CCDC30: variants seen among roughly 807,000 people sequenced by gnomAD.
CCDC30 encodes coiled-coil domain containing 30.
In CCDC30, 70 loss-of-function variants were observed where a neutral mutation model predicts 100.2. The ratio of observed to expected loss-of-function variants is 0.70; its 90% CI spans 0.58 to 0.85. CCDC30 has a LOEUF of 0.85. Ranked by LOEUF, CCDC30 falls within the 40% of genes least tolerant of loss-of-function variation. CCDC30 has a pLI of 0.00. For missense variants in CCDC30, 652 were observed against 771.2 expected, an observed-to-expected ratio of 0.85 and a Z score of 1.83; for synonymous variants, 233 against 269.5, an observed-to-expected ratio of 0.86 and a Z score of 1.33.
At chr1:42,609,011 T>G (rs72959638) in intron 10 of CCDC30, among the ~76,000 whole-genome samples, 6,470 of 152,238 alleles carry the variant, frequency 0.042, 445 homozygotes, top group African/African-American at 0.14. Flanking sequence ...AAGAAGGATT[T>G]GTACTGTATA....
In CCDC30 at chr1:42,542,774, C is replaced by T. The variant is rs1489540677; in HGVS notation, c.457-23522C>T. The T allele has an allele frequency of 2.1e-5, 3 of 142,806 alleles. 1 individual carries two copies. The highest frequency in any genetic ancestry group is 1.5e-5 in the Non-Finnish European group (1 of 64,536). The allele number at this position is 142,806 out of a possible 1,614,324, so 8.8% of individuals were successfully genotyped here. ...TTCACCTTGTTAGCCAGGATGGTCT[C>T]GATCTCCTGACCTCATGATCCACCC... On this transcript the variant is annotated intron_variant, in intron 6 of 16. Transcript: ENST00000668663.
intron 11 of CCDC30, among the ~76,000 whole-genome samples, chr1:42,621,543 G>A (rs901123009): frequency 3.5e-5 from 5 of 141,884 alleles, no homozygotes; most frequent in African/African-American, 1.3e-4. Flanking sequence ...ATGGACTCTC[G>A]CTCTGTGGTC....
intron 8 of CCDC30, among the ~76,000 whole-genome samples, chr1:42,577,963 A>G (rs1645877093): frequency 6.6e-6 from 1 of 152,068 alleles, no homozygotes; most frequent in South Asian, 2.1e-4. Flanking sequence ...CAATAGATAT[A>G]ATGTATAGTG....
chr1:42,488,070 C>T (rs1386856014), intron 3 of CCDC30, among the ~76,000 whole-genome samples: 2 of 152,104 alleles, frequency 1.3e-5, no homozygotes, highest in Non-Finnish European at 2.9e-5. Flanking sequence ...TTGTTAAAAG[C>T]TGGGTGATGG....
At chr1:42,651,484 C>T (rs1039554255) in intron 15 of CCDC30, among the ~76,000 whole-genome samples, 1 of 151,574 alleles carries the variant, frequency 6.6e-6, no homozygotes, top group Non-Finnish European at 1.5e-5. Context: ...AAAAAAAGCT[C>T]AACATCATGA....
At chr1:42,590,314 G>A (rs1319217121) in intron 10 of CCDC30, 1 of 152,188 alleles carries the variant, frequency 6.6e-6, no homozygotes, top group Non-Finnish European at 1.5e-5. Flanking sequence ...TTTCTTTATA[G>A]CAGTGCAAGA....
chr1:42,624,094 T>TTACTGAATTTGTTTATGAGTTCTAG (rs1646889130), intron 11 of CCDC30, among the ~76,000 whole-genome samples: 1 of 152,230 alleles, frequency 6.6e-6, no homozygotes, highest in Non-Finnish European at 1.5e-5. Flanking sequence ...TTCTGCAACT[T>TTACTGAATTTGTTTATGAGTTCTAG]TACTGAATTT....
At chr1:42,635,392 G>A (rs1201534566) in intron 11 of CCDC30, among the ~76,000 whole-genome samples, 6 of 152,090 alleles carry the variant, frequency 3.9e-5, no homozygotes, top group Admixed American at 3.9e-4. Flanking sequence ...TGGCAATCTG[G>A]GTTGTTTCCA....
chr1:42,524,126 A>T (rs553485915), intron 6 of CCDC30, among the ~76,000 whole-genome samples: 2 of 151,454 alleles, frequency 1.3e-5, no homozygotes, highest in South Asian at 4.2e-4. Flanking sequence ...TAAGTTTTAA[A>T]TGGGCCACAC....
At chr1:42,475,438 A>C (rs1226183391) in intron 1 of CCDC30, among the ~76,000 whole-genome samples, 5 of 152,208 alleles carry the variant, frequency 3.3e-5, no homozygotes, top group Non-Finnish European at 5.9e-5. Context: ...GATGAAAAGG[A>C]AAATGAACAG....
chr1:42,553,652 TACACAC>T (rs60429759), intron 6 of CCDC30, among the ~76,000 whole-genome samples: 92 of 133,826 alleles, frequency 6.9e-4, no homozygotes, highest in African/African-American at 9.4e-4. Flanking sequence ...TGAGATTCCA[TACACAC>T]ACACACACAC....
intron 6 of CCDC30, among the ~76,000 whole-genome samples, chr1:42,538,407 A>G (rs1225096430): frequency 1.3e-5 from 2 of 152,098 alleles, no homozygotes; most frequent in Non-Finnish European, 2.9e-5. Context: ...GTCACTGAAT[A>G]TAATTAAATA....
intron 6 of CCDC30, among the ~76,000 whole-genome samples, chr1:42,557,067 A>G (rs2148552259): frequency 6.6e-6 from 1 of 152,324 alleles, no homozygotes; most frequent in Non-Finnish European, 1.5e-5. Flanking sequence ...TACACAAATT[A>G]AAATTTCCTT....
chr1:42,532,366 T>C (rs1299165910), intron 6 of CCDC30, among the ~76,000 whole-genome samples: 1 of 152,198 alleles, frequency 6.6e-6, no homozygotes, highest in African/African-American at 2.4e-5. Context: ...AATCATTCCC[T>C]TATATCAAGC....
At chr1:42,595,482 G>A (rs956308637) in intron 10 of CCDC30, 1 of 152,264 alleles carries the variant, frequency 6.6e-6, no homozygotes, top group Non-Finnish European at 1.5e-5. Context: ...GGGAGGTGAA[G>A]GTTGCAGTGA....
At chr1:42,651,300 TATGG>T (rs1271600186) in intron 15 of CCDC30, among the ~76,000 whole-genome samples, 2 of 152,108 alleles carry the variant, frequency 1.3e-5, no homozygotes, top group Non-Finnish European at 2.9e-5. Context: ...AGAGGCAACC[TATGG>T]ATTGGGAGAA....
intron 11 of CCDC30, among the ~76,000 whole-genome samples, chr1:42,615,545 C>T (rs548435936): frequency 1.2e-4 from 19 of 152,174 alleles, no homozygotes; most frequent in Admixed American, 6.5e-4. Flanking sequence ...ATGATCCACC[C>T]GCCTCAGCCT....
rs1055518151 is a variant in CCDC30, at chr1:42,595,206, T to C, written c.1164+5723T>C. The C allele has an allele frequency of 2.0e-5, 3 of 152,166 alleles. No homozygotes were observed. The East Asian group carries it at 5.8e-4, about 29-fold the overall frequency. The allele number at this position is 152,166 out of a possible 1,614,324, so 9.4% of individuals were successfully genotyped here. On this transcript the variant is annotated intron_variant, in intron 10 of 16. Coordinates refer to ENST00000668663, the Ensembl canonical transcript of CCDC30. ...ATATCATGACGAGAAATAAGGAATT[T>C]GGTAAGTCCACAAATGGTGGTCCTG...
chr1:42,568,168 G>A (rs946026581), intron 7 of CCDC30, among the ~76,000 whole-genome samples: 1 of 152,134 alleles, frequency 6.6e-6, no homozygotes, highest in Non-Finnish European at 1.5e-5. Context: ...ATGCTGAAGT[G>A]CAGTGGCATG....
Sources: allele counts gnomAD v4.1 joint callset (sites outside exome capture counted in the v4.1 genomes callset), GRCh38; gene constraint gnomAD v4.1.1; transcripts MANE v1.5; gene names NCBI Gene and HGNC (gene_info 2026-07-23, HGNC 2026-07-21).